The following CCDC50 variants were observed in gnomAD, a reference collection of about 807,000 sequenced individuals.
CCDC50 encodes coiled-coil domain-containing protein 50.
A neutral mutation model predicts 70.2 loss-of-function variants in CCDC50; 54 were observed. The observed-to-expected ratio is 0.77, with a 90% CI of 0.62 to 0.96. The LOEUF (loss-of-function observed/expected upper bound fraction) is 0.96, where lower values mean the gene tolerates loss of function less well. CCDC50 is among the 50% of genes least tolerant of loss of function. The probability of loss-of-function intolerance (pLI) is 0.00; values close to 1 mark genes in which losing one functional copy is unlikely to be tolerated. For missense variants in CCDC50, 558 were observed against 578.7 expected (o/e 0.96, Z 0.37); for synonymous variants, 216 against 198.8 (o/e 1.09, Z -0.73).
At position 191,329,654 on chromosome 3, in the gene CCDC50, C is replaced by T. The variant is rs767074558; in HGVS notation, c.-21C>T. The T allele has an allele frequency of 1.9e-6, 3 of 1,604,618 alleles. No homozygotes were observed. The highest frequency in any genetic ancestry group is 1.7e-5 in the Admixed American group (1 of 58,924). Reference sequence around the variant, plus strand: ...GACCGGGAAGCCCGCGTTAAAGGGGCAACCGGGACCCTGGCCCGGTATGGC... The same window carrying T: ...GACCGGGAAGCCCGCGTTAAAGGGGTAACCGGGACCCTGGCCCGGTATGGC... On this transcript the variant is annotated 5_prime_UTR_variant, in exon 1 of 12. Coordinates refer to ENST00000392455, the MANE Select transcript of CCDC50 (RefSeq NM_178335.3).
chr3:191,341,877 G>A (rs1190025048), intron 1 of CCDC50, among the ~76,000 whole-genome samples: 2 of 152,110 alleles, frequency 1.3e-5, no homozygotes, highest in Non-Finnish European at 2.9e-5. Context: ...TCTGCTGTGC[G>A]GTCACCTTAT....
At position 191,396,801 on chromosome 3, in the gene CCDC50, G is replaced by A. The variant is rs293847; in HGVS notation, c.*5041G>A. On this transcript the variant is annotated 3_prime_UTR_variant, in exon 12 of 12. Coordinates refer to ENST00000392455, the MANE Select transcript of CCDC50 (RefSeq NM_178335.3). ...AGAAAGACACCAGAGTGGTGATTCT[G>A]TTTGATGCCACAGGCTAACACAATC... 141,990 of 152,276 alleles carry A rather than the reference G, an allele frequency of 0.93. 66,311 individuals carry two copies. Among genetic ancestry groups the A allele is most frequent in the African/African-American group, 0.98 (40,913 of 41,578 alleles). The allele number at this position is 152,276 out of a possible 1,614,324, so 9.4% of individuals were successfully genotyped here.
At chr3:191,340,745 A>G (rs1487970889) in intron 1 of CCDC50, among the ~76,000 whole-genome samples, 1 of 152,228 alleles carries the variant, frequency 6.6e-6, no homozygotes, top group Non-Finnish European at 1.5e-5. Context: ...ATTCTCCCTC[A>G]GGCGGACATA....
chr3:191,356,977 C>G, intron 1 of CCDC50, 111 bp from the exon 2 acceptor site: 1 of 746,322 alleles, frequency 1.3e-6, no homozygotes, highest in Non-Finnish European at 2.4e-6. Flanking sequence ...GTGTGTCATT[C>G]TGAAATATTA....
chr3:191,377,526 A>G (rs1430272433), intron 6 of CCDC50, among the ~76,000 whole-genome samples: 1 of 152,036 alleles, frequency 6.6e-6, no homozygotes, highest in Admixed American at 6.6e-5. Context: ...ATGGCTCATC[A>G]TTTTCTGCAG....
At chr3:191,366,696 T>A (rs965815289) in intron 4 of CCDC50, among the ~76,000 whole-genome samples, 49 of 152,020 alleles carry the variant, frequency 3.2e-4, no homozygotes, top group African/African-American at 1.1e-3. Context: ...TTTTAAAGTT[T>A]TAAAATGTGC....
intron 10 of CCDC50, among the ~76,000 whole-genome samples, chr3:191,383,442 G>A (rs948864282): frequency 6.7e-6 from 1 of 150,028 alleles, no homozygotes; most frequent in African/African-American, 2.5e-5. Flanking sequence ...ATTGCTTTTT[G>A]TTGCCTTTCG....
chr3:191,354,024 G>A (rs1165524955), intron 1 of CCDC50, among the ~76,000 whole-genome samples: 2 of 152,016 alleles, frequency 1.3e-5, no homozygotes, highest in Non-Finnish European at 2.9e-5. Flanking sequence ...TCAGCAATTC[G>A]GAAATTTCTC....
chr3:191,356,612 A>G (rs1712291203), intron 1 of CCDC50, among the ~76,000 whole-genome samples: 1 of 152,238 alleles, frequency 6.6e-6, no homozygotes, highest in South Asian at 2.1e-4. Context: ...GAAAGACGCC[A>G]GGGTAGACAT....
chr3:191,358,264 T>A, intron 3 of CCDC50, 140 bp downstream of exon 3: 1 of 1,134,572 alleles, frequency 8.8e-7, no homozygotes, highest in South Asian at 1.5e-5. Flanking sequence ...CCTGGATGTC[T>A]AACAGTTTTT....
Position 191,358,115 on chromosome 3 carries a change from A to T in CCDC50, c.230A>T (p.Tyr77Phe), listed in dbSNP as rs1219082464. The T allele has an allele frequency of 6.2e-7, 1 of 1,613,706 alleles. No homozygotes were observed. The highest frequency in any genetic ancestry group is 8.5e-7 in the Non-Finnish European group (1 of 1,179,850). The stretch of plus-strand genomic sequence containing the variant: ...GCGCAGGCCCAGCTCCAGAAGCGCT[A>T]CAAAGACCTGTGAGGATTTGGGAGG... Reference protein sequence around the residue: ...LKAQAQLQKRYKDLEQQDCEI... With the variant: ...LKAQAQLQKRFKDLEQQDCEI... The change falls in exon 3 of 12, where the codon TAC becomes TTC. Residue 77 changes from tyrosine to phenylalanine, a missense_variant. Physicochemically the swap from Tyr to Phe is conservative, Grantham distance 22. Transcript: ENST00000392455.
intron 1 of CCDC50, among the ~76,000 whole-genome samples, chr3:191,348,347 C>T (rs910955440): frequency 7.1e-6 from 1 of 141,598 alleles, no homozygotes; most frequent in South Asian, 2.2e-4. Context: ...AACCAAGCAA[C>T]CAAAAACAGA....
chr3:191,358,101 G>A lies in CCDC50; in HGVS notation c.216G>A (p.Gln72=), dbSNP rs2108649066. 1.2e-6 allele frequency: 2 copies of A among 1,613,926 alleles called. No homozygotes were observed. Among genetic ancestry groups the A allele is most frequent in the South Asian group, 1.1e-5 (1 of 91,074 alleles). ...AGGAAGATCTGAAAGCGCAGGCCCA[G>A]CTCCAGAAGCGCTACAAAGACCTGT... is the stretch of plus-strand genomic sequence containing the variant. ...LQEEDLKAQA[Q]LQKRYKDLEQ... The change falls in exon 3 of 12, where the codon CAG becomes CAA. Residue 72 remains glutamine (Q), a synonymous_variant. Transcript: ENST00000392455.
rs1478915040 is a variant in CCDC50 at position 191,395,339 on chromosome 3, T to C, written c.*3579T>C. ...TGATTATTAATTTTCTTTAATAGTT[T>C]CTGTCAAAACTTGTCTAAAATTTGT... On this transcript the variant is annotated 3_prime_UTR_variant, in exon 12 of 12. Transcript: ENST00000392455. 6.6e-6 allele frequency: 1 copy of C among 152,208 alleles called. No homozygotes were observed. The highest frequency in any genetic ancestry group is 1.5e-5 in the Non-Finnish European group (1 of 68,014). 9.4% of individuals were successfully genotyped at this position (152,208 alleles called of 1,614,324 possible). A position where few individuals can be genotyped will look rare whatever the true frequency, so the allele number is the denominator to read the frequency against.
Position 191,329,942 on chromosome 3 carries a change from TG to T in CCDC50, c.49+233del, listed in dbSNP as rs34226642. ...GCCCGTTTTTTCTCAAGGGGGTGGT[TG>T]GGGGGGGGGGGGGCTAGCAGCAGCC... On this transcript the variant is annotated intron_variant, in intron 1 of 11. Transcript: ENST00000392455. 0.084 allele frequency among the ~76,000 whole-genome samples: 8,511 copies of T among 101,678 alleles called. 173 individuals carry two copies. The highest frequency in any genetic ancestry group is 0.097 in the Middle Eastern group (20 of 206). 66.7% of individuals were successfully genotyped at this position (101,678 alleles called of 152,430 possible).
chr3:191,388,923 T>A (rs1251249266), intron 10 of CCDC50, among the ~76,000 whole-genome samples: 2 of 8,026 alleles, frequency 2.5e-4, no homozygotes, highest in East Asian at 2.0e-3. Flanking sequence ...AAATTATATC[T>A]TTTTTTTTTT....
intron 1 of CCDC50, among the ~76,000 whole-genome samples, chr3:191,330,257 G>A (rs951837650): frequency 1.1e-4 from 17 of 151,746 alleles, no homozygotes; most frequent in African/African-American, 4.1e-4. Context: ...TGTGTTCTGC[G>A]CGGGCGGGAA....
At chr3:191,362,991 A>G (rs761190252) in intron 4 of CCDC50, among the ~76,000 whole-genome samples, 2 of 152,056 alleles carry the variant, frequency 1.3e-5, no homozygotes, top group African/African-American at 2.4e-5. Flanking sequence ...AAGTGATTAT[A>G]TTTTGTAGAC....
intron 1 of CCDC50, among the ~76,000 whole-genome samples, chr3:191,335,927 C>T (rs530196973): frequency 5.3e-5 from 8 of 151,300 alleles, no homozygotes; most frequent in African/African-American, 1.2e-4. Context: ...TCTCAACCCC[C>T]GTTTCATGCC....
Sources: gnomAD v4.1 joint callset for allele counts (sites outside exome capture counted in the v4.1 genomes callset) on GRCh38, gnomAD v4.1.1 for gene constraint, MANE v1.5 for transcripts, NCBI Gene and HGNC (gene_info 2026-07-23, HGNC 2026-07-21) for gene names.